The following SNX8 variants were observed in gnomAD, a reference collection of about 807,000 sequenced individuals.
The protein encoded by SNX8 is sorting nexin-8.
Under a neutral mutation model 51.6 loss-of-function variants are expected in SNX8, and 25 were observed. That is an observed-to-expected ratio of 0.48 (90% confidence interval 0.35 to 0.68). The LOEUF is 0.68. SNX8 is among the 30% of genes least tolerant of loss of function. SNX8 has a pLI of 0.00. For synonymous variants in SNX8, 324 were observed against 277.0 expected, an observed-to-expected ratio of 1.17 and a Z score of -1.68; for missense variants, 695 against 624.0, an observed-to-expected ratio of 1.11 and a Z score of -1.21.
chr7:2,298,745 G>T (rs1796327643), intron 1 of SNX8, among the ~76,000 whole-genome samples: 1 of 151,752 alleles, frequency 6.6e-6, no homozygotes, highest in African/African-American at 2.4e-5. Context: ...AGCCTGGAGT[G>T]CAGTGGCACG....
chr7:2,278,415 G>A (rs938125405), intron 1 of SNX8, 110 bp from the exon 2 acceptor site: 1 of 660,756 alleles, frequency 1.5e-6, no homozygotes, highest in African/African-American at 1.8e-5. Flanking sequence ...AGGCCCAGGA[G>A]GGAGTATCAC....
At chr7:2,255,207 G>C in intron 10 of SNX8, 38 bp from the exon 11 acceptor site, 1 of 1,317,488 alleles carries the variant, frequency 7.6e-7, no homozygotes, top group South Asian at 1.4e-5. Context: ...CAGCAGGCGG[G>C]GCCGGGGCTC....
chr7:2,310,157 G>A (rs570720299), intron 1 of SNX8, among the ~76,000 whole-genome samples: 1 of 152,112 alleles, frequency 6.6e-6, no homozygotes, highest in African/African-American at 2.4e-5. Context: ...AATCGATCCC[G>A]AGAAATCAGG....
chr7:2,347,127 C>T (rs930233989), intron 1 of SNX8, among the ~76,000 whole-genome samples: 3 of 151,920 alleles, frequency 2.0e-5, no homozygotes, highest in African/African-American at 7.3e-5. Flanking sequence ...AAGTTCAAGA[C>T]CAGCTGGGGC....
At chr7:2,267,256 G>T (rs111948334) in intron 5 of SNX8, among the ~76,000 whole-genome samples, 2,981 of 151,984 alleles carry the variant, frequency 0.02, 39 homozygotes, top group South Asian at 0.043. Flanking sequence ...TTGTTTCTCT[G>T]GTTAAAAAGG....
chr7:2,261,411 C>T (rs535369670), intron 7 of SNX8, among the ~76,000 whole-genome samples: 170 of 152,286 alleles, frequency 1.1e-3, no homozygotes, highest in Non-Finnish European at 1.8e-3. Context: ...CCAGCCTGGG[C>T]GACAGAGCGA....
At chr7:2,266,228 A>T (rs1022165701) in intron 5 of SNX8, among the ~76,000 whole-genome samples, 9 of 152,186 alleles carry the variant, frequency 5.9e-5, no homozygotes, top group African/African-American at 2.2e-4. Context: ...TCTGTTACCC[A>T]GGCTGGAGTG....
Position 2,262,443 on chromosome 7 carries a change from G to A in SNX8, c.915+787C>T, listed in dbSNP as rs114239796. ...TCCCAAATGACTCCAAGATCTTGGC[G>A]AATTTCTGAAATCAGCTTCTGCCCA... is the stretch of plus-strand genomic sequence containing the variant. On this transcript the variant is annotated intron_variant, in intron 7 of 10. Coordinates refer to ENST00000222990, the MANE Select transcript of SNX8 (RefSeq NM_013321.4). 4.2e-3 allele frequency among the ~76,000 whole-genome samples: 645 copies of A among 152,272 alleles called. 5 individuals carry two copies. The highest frequency in any genetic ancestry group is 0.014 in the African/African-American group (602 of 41,546).
At chr7:2,306,376 C>A (rs1054046507) in intron 1 of SNX8, among the ~76,000 whole-genome samples, 6 of 151,754 alleles carry the variant, frequency 4.0e-5, no homozygotes, top group African/African-American at 9.7e-5. Context: ...TCCCAAAGTG[C>A]TGGGATTACA....
intron 7 of SNX8, among the ~76,000 whole-genome samples, chr7:2,258,008 CTTTT>C (rs59062161): frequency 5.5e-5 from 7 of 126,638 alleles, no homozygotes; most frequent in Non-Finnish European, 8.1e-5. Context: ...GCCCAGCAGT[CTTTT>C]TTTTTTTTTT....
At chr7:2,329,618 C>T (rs1361666093) in intron 1 of SNX8, among the ~76,000 whole-genome samples, 2 of 152,182 alleles carry the variant, frequency 1.3e-5, no homozygotes, top group Admixed American at 6.5e-5. Flanking sequence ...TCTTAAGACC[C>T]TTCCCAGACT....
intron 1 of SNX8, among the ~76,000 whole-genome samples, chr7:2,335,704 G>A (rs1447938481): frequency 1.3e-5 from 2 of 151,452 alleles, no homozygotes; most frequent in Non-Finnish European, 2.9e-5. Flanking sequence ...TTGGGAGGCT[G>A]AGGCAGGCGA....
intron 1 of SNX8, among the ~76,000 whole-genome samples, chr7:2,341,762 A>T (rs911031023): frequency 1.3e-5 from 2 of 151,858 alleles, no homozygotes; most frequent in Non-Finnish European, 2.9e-5. Context: ...TGACGCAGGC[A>T]GATCACCTGA....
chr7:2,312,059 G>T (rs959697868), intron 1 of SNX8, among the ~76,000 whole-genome samples: 62 of 152,124 alleles, frequency 4.1e-4, no homozygotes, highest in African/African-American at 1.5e-3. Context: ...GACTTGCCTG[G>T]TTACAGGAAA....
chr7:2,276,866 G>A (rs754528207), intron 2 of SNX8, among the ~76,000 whole-genome samples: 1 of 143,170 alleles, frequency 7.0e-6, no homozygotes, highest in Non-Finnish European at 1.6e-5. Context: ...GGTTGCTTGA[G>A]CCTGGGAGGT....
intron 1 of SNX8, among the ~76,000 whole-genome samples, chr7:2,290,049 C>T (rs768713550): frequency 6.6e-5 from 10 of 152,004 alleles, no homozygotes; most frequent in East Asian, 1.9e-4. Flanking sequence ...AAAAATTAGC[C>T]GGGCGTGGTG....
intron 1 of SNX8, among the ~76,000 whole-genome samples, chr7:2,335,350 C>T (rs571525737): frequency 1.3e-5 from 2 of 152,242 alleles, no homozygotes; most frequent in Admixed American, 1.3e-4. Flanking sequence ...AAGGAGAAGC[C>T]TCTCAAACAG....
At chr7:2,346,034 C>T (rs1377706827) in intron 1 of SNX8, among the ~76,000 whole-genome samples, 2 of 152,082 alleles carry the variant, frequency 1.3e-5, no homozygotes, top group Non-Finnish European at 2.9e-5. Context: ...TCTCGAACTC[C>T]TGACCTCAAG....
Position 2,278,256 on chromosome 7 carries a change from G to A in SNX8, c.144C>T (p.Val48=). 1 of 1,607,578 alleles carries A rather than the reference G, an allele frequency of 6.2e-7. No homozygotes were observed. ...AIEPQAIVQQ[V]PAPSRMQMPQ... Reference sequence around the variant, plus strand: ...GCATCTGCATTCGACTGGGGGCTGGGACCTGCTGCACGATGGCCTGGGGCT... The same window carrying A: ...GCATCTGCATTCGACTGGGGGCTGGAACCTGCTGCACGATGGCCTGGGGCT... Residue 48 remains valine (V), a synonymous_variant, in exon 2 of 11, where the codon GTC becomes GTT. Coordinates refer to ENST00000222990, the MANE Select transcript of SNX8 (RefSeq NM_013321.4).
Sources: gnomAD v4.1 joint callset for allele counts (sites outside exome capture counted in the v4.1 genomes callset) on GRCh38, gnomAD v4.1.1 for gene constraint, MANE v1.5 for transcripts, NCBI Gene and HGNC (gene_info 2026-07-23, HGNC 2026-07-21) for gene names.